Variants in PCBP3 observed in about 807,000 individuals in gnomAD.
PCBP3 encodes the protein poly(rC)-binding protein 3.
PCBP3 carries 25 observed loss-of-function variants against 52.7 expected under a neutral mutation model. The observed-to-expected ratio is 0.47, with a 90% CI of 0.35 to 0.66. The LOEUF (loss-of-function observed/expected upper bound fraction) is 0.66, where lower values mean the gene tolerates loss of function less well. PCBP3 is among the 30% of genes least tolerant of loss of function. PCBP3 has a pLI of 0.01. For synonymous variants in PCBP3, 162 were observed against 183.0 expected, an observed-to-expected ratio of 0.89 and a Z score of 0.93; for missense variants, 391 against 490.3, an observed-to-expected ratio of 0.80 and a Z score of 1.91.
chr21:45,660,510 C>G (rs916161417), intron 1 of PCBP3, among the ~76,000 whole-genome samples: 3 of 152,108 alleles, frequency 2.0e-5, no homozygotes, highest in Non-Finnish European at 4.4e-5. Flanking sequence ...TTCTTGTTTT[C>G]TCTATGCAAT....
In PCBP3 at chr21:45,780,375, T is replaced by G. The variant is rs560636459; in HGVS notation, c.-126+24923T>G. On this transcript the variant is annotated intron_variant, in intron 4 of 17. Transcript: ENST00000681687. ...TCTGGAAAGAGGTTATAAATTCTAG[T>G]TATGATCTGATGGGGCTCCAAGGTC... Among the ~76,000 whole-genome samples the G allele has an allele frequency of 2.6e-5, 4 of 152,378 alleles. 1 individual carries two copies. The South Asian group carries it at 8.3e-4, about 32-fold the overall frequency.
At chr21:45,932,885 C>G (rs939370362) in intron 15 of PCBP3, among the ~76,000 whole-genome samples, 2 of 151,522 alleles carry the variant, frequency 1.3e-5, no homozygotes, top group African/African-American at 4.9e-5. Flanking sequence ...CTGGTCCATG[C>G]CGTCATGAGA....
intron 9 of PCBP3, among the ~76,000 whole-genome samples, chr21:45,907,573 G>C (rs1376214062): frequency 6.6e-6 from 1 of 152,122 alleles, no homozygotes; most frequent in Non-Finnish European, 1.5e-5. Flanking sequence ...GACCTTTTTT[G>C]ACCCTCGGGT....
intron 5 of PCBP3, among the ~76,000 whole-genome samples, chr21:45,865,963 A>C (rs2094707611): frequency 6.6e-6 from 1 of 151,684 alleles, no homozygotes; most frequent in South Asian, 2.1e-4. Flanking sequence ...GGTCTCCAGG[A>C]CCCCCGCATG....
intron 1 of PCBP3, among the ~76,000 whole-genome samples, chr21:45,647,906 A>T (rs1056610117): frequency 3.3e-5 from 5 of 152,276 alleles, no homozygotes; most frequent in Admixed American, 3.3e-4. Context: ...ATTATCCTGG[A>T]TTATCTGGGT....
intron 2 of PCBP3, among the ~76,000 whole-genome samples, chr21:45,698,253 T>C (rs1441129402): frequency 6.6e-6 from 1 of 152,190 alleles, no homozygotes; most frequent in Admixed American, 6.5e-5. Flanking sequence ...CCCACCTCTC[T>C]GACACTCCAC....
intron 2 of PCBP3, among the ~76,000 whole-genome samples, chr21:45,715,596 G>C (rs1273879578): frequency 6.6e-6 from 1 of 152,150 alleles, no homozygotes; most frequent in African/African-American, 2.4e-5. Context: ...TTGCATTCCT[G>C]CCAGCAATTT....
At chr21:45,919,755 G>A (rs370683571) in intron 13 of PCBP3, among the ~76,000 whole-genome samples, 1 of 152,228 alleles carries the variant, frequency 6.6e-6, no homozygotes, top group African/African-American at 2.4e-5. Context: ...CCACACACCG[G>A]AAGGCACTGT....
chr21:45,844,180 G>T (rs1370376357), intron 4 of PCBP3, among the ~76,000 whole-genome samples: 1 of 152,022 alleles, frequency 6.6e-6, no homozygotes, highest in Non-Finnish European at 1.5e-5. Context: ...GGGCTGGTCT[G>T]TCCAGCTCCA....
At chr21:45,886,548 T>C (rs57198395) in intron 5 of PCBP3, among the ~76,000 whole-genome samples, 54,920 of 136,544 alleles carry the variant, frequency 0.4, 12,741 homozygotes, top group African/African-American at 0.66. Flanking sequence ...GGGCAGAGGA[T>C]GTGGTGAGGT....
Position 45,827,304 on chromosome 21 carries a change from C to T in PCBP3, c.-125-22657C>T, listed in dbSNP as rs1336190566. On this transcript the variant is annotated intron_variant, in intron 4 of 17. Transcript: ENST00000681687. The surrounding 1 kb of genome is among the most constrained non-coding windows in gnomAD (Gnocchi z 4.3). ...CCGCTGCGATGGTGTCGGAGGAGGC[C>T]GGTGAAAATGAGATAAAAGAAGATC... Among the ~76,000 whole-genome samples the T allele has an allele frequency of 6.6e-6, 1 of 152,068 alleles. No individual in the cohort carries two copies. Among genetic ancestry groups the T allele is most frequent in the Non-Finnish European group, 1.5e-5 (1 of 68,028 alleles).
intron 6 of PCBP3, 129 bp downstream of exon 6, chr21:45,896,491 G>A (rs571658634): frequency 2.0e-4 from 177 of 877,392 alleles, no homozygotes; most frequent in Middle Eastern, 3.4e-4. Context: ...TGCACTGCCC[G>A]GGCCATTGTC....
intron 6 of PCBP3, among the ~76,000 whole-genome samples, 160 bp from the exon 7 acceptor site, chr21:45,899,439 C>G (rs916284925): frequency 6.6e-6 from 1 of 151,954 alleles, no homozygotes; most frequent in African/African-American, 2.4e-5. Flanking sequence ...ACACCCCTCC[C>G]CACCAGCAGA....
At chr21:45,820,041 G>A (rs897846661) in intron 4 of PCBP3, among the ~76,000 whole-genome samples, 1 of 152,242 alleles carries the variant, frequency 6.6e-6, no homozygotes, top group Admixed American at 6.5e-5. Context: ...CTACACCGCA[G>A]GACTGTTGCG....
chr21:45,732,184 A>G (rs1269162578), intron 2 of PCBP3, among the ~76,000 whole-genome samples: 3 of 152,108 alleles, frequency 2.0e-5, no homozygotes, highest in Admixed American at 1.3e-4. Context: ...TTCTTTCATT[A>G]CTTTAGAGAT....
At chr21:45,831,811 A>G (rs550362305) in intron 4 of PCBP3, among the ~76,000 whole-genome samples, 2 of 152,314 alleles carry the variant, frequency 1.3e-5, no homozygotes, top group African/African-American at 4.8e-5. Context: ...CCCGGGTTCA[A>G]GTGATTCTCC....
intron 2 of PCBP3, among the ~76,000 whole-genome samples, chr21:45,712,544 T>G (rs889270635): frequency 6.6e-6 from 1 of 152,214 alleles, no homozygotes; most frequent in Non-Finnish European, 1.5e-5. Context: ...CTGTACCTCT[T>G]TCAAGTAAAT....
At chr21:45,869,829 C>T (rs1463744501) in intron 5 of PCBP3, among the ~76,000 whole-genome samples, 1 of 152,238 alleles carries the variant, frequency 6.6e-6, no homozygotes, top group Non-Finnish European at 1.5e-5. Context: ...CACAGAGCTG[C>T]GTATGCATTC....
At chr21:45,863,786 C>T (rs1022384429) in intron 5 of PCBP3, among the ~76,000 whole-genome samples, 53 of 152,316 alleles carry the variant, frequency 3.5e-4, no homozygotes, top group African/African-American at 1.1e-3. Context: ...CCTGGGTGAG[C>T]GGTCCGCGGG....
Sources: gnomAD v4.1 joint callset for allele counts (sites outside exome capture counted in the v4.1 genomes callset) on GRCh38, gnomAD v4.1.1 for gene constraint, Gnocchi (gnomAD v3.1) non-coding constraint, MANE v1.5 for transcripts, NCBI Gene and HGNC (gene_info 2026-07-23, HGNC 2026-07-21) for gene names.